Variants in CFAP299 observed in about 807,000 individuals in gnomAD.
The protein encoded by CFAP299 is cilia and flagella associated protein 299.
Under a neutral mutation model 27.0 loss-of-function variants are expected in CFAP299, and 21 were observed. That is an observed-to-expected ratio of 0.78 (90% CI 0.55 to 1.12). The LOEUF (loss-of-function observed/expected upper bound fraction) is 1.12, where lower values mean the gene tolerates loss of function less well. Ranked by LOEUF, CFAP299 falls within the 50% of genes most tolerant of loss-of-function variation. The pLI, the probability that CFAP299 is intolerant of heterozygous loss-of-function variation, is 0.00. For synonymous variants in CFAP299, 104 were observed against 98.1 expected (o/e 1.06, Z -0.36); for missense variants, 310 against 276.6 (o/e 1.12, Z -0.86).
At chr4:80,362,730 C>A in intron 1 of CFAP299, 24 bp from the exon 2 acceptor site, 2 of 1,583,276 alleles carry the variant, frequency 1.3e-6, no homozygotes, top group Non-Finnish European at 1.7e-6. Flanking sequence ...TGCCCACTCA[C>A]CTAACAACTG....
chr4:80,447,228 C>T (rs1251752317), intron 2 of CFAP299, among the ~76,000 whole-genome samples: 1 of 137,462 alleles, frequency 7.3e-6, no homozygotes, highest in Admixed American at 7.3e-5. Flanking sequence ...CTCCGCCTCC[C>T]GGGTTCACGC....
intron 1 of CFAP299, among the ~76,000 whole-genome samples, chr4:80,351,146 C>G (rs1237994948): frequency 6.6e-6 from 1 of 151,928 alleles, no homozygotes; most frequent in African/African-American, 2.4e-5. Context: ...TGAAGTTCTT[C>G]AGGTTGAAGG....
intron 2 of CFAP299, among the ~76,000 whole-genome samples, chr4:80,384,365 A>G (rs1724862127): frequency 1.3e-5 from 2 of 152,334 alleles, no homozygotes; most frequent in Admixed American, 1.3e-4. Flanking sequence ...TATATTATTC[A>G]TAAATATTTT....
chr4:80,370,092 T>C (rs1163306313), intron 2 of CFAP299, among the ~76,000 whole-genome samples: 1 of 152,110 alleles, frequency 6.6e-6, no homozygotes, highest in Non-Finnish European at 1.5e-5. Context: ...TCAGGAAACT[T>C]ACAATTATGG....
chr4:80,323,362 C>T, the CFAP299 span, among the ~76,000 whole-genome samples: 3 of 152,190 alleles, frequency 2.0e-5, no homozygotes, highest in Non-Finnish European at 4.4e-5. Flanking sequence ...TTGTAGAAAG[C>T]TGTAATGTAT....
At chr4:80,859,797 C>T (rs536797775) in intron 3 of CFAP299, among the ~76,000 whole-genome samples, 1 of 152,312 alleles carries the variant, frequency 6.6e-6, no homozygotes, top group Non-Finnish European at 1.5e-5. Flanking sequence ...GTCTGATCCA[C>T]TTCCCTTTGT....
intron 3 of CFAP299, among the ~76,000 whole-genome samples, chr4:80,705,379 A>G (rs773688338): frequency 6.6e-6 from 1 of 151,858 alleles, no homozygotes; most frequent in Non-Finnish European, 1.5e-5. Context: ...GAGAAAGATC[A>G]TGGATGTTGG....
rs138552111 is a variant in CFAP299 at position 80,683,229 on chromosome 4, C to G, written c.333+100046C>G. Among the ~76,000 whole-genome samples, 660 of 152,280 alleles carry G rather than the reference C, an allele frequency of 4.3e-3. 5 individuals carry two copies. The highest frequency in any genetic ancestry group is 6.8e-3 in the Middle Eastern group (2 of 294). ...TAAATAATTATTGATTTGCAAAGCT[C>G]TAAAACATCTCAGAAGGCATCCCCA... On this transcript the variant is annotated intron_variant, in intron 3 of 5. Transcript: ENST00000358105.
At chr4:80,613,148 T>A (rs1343338688) in intron 3 of CFAP299, among the ~76,000 whole-genome samples, 4 of 152,152 alleles carry the variant, frequency 2.6e-5, no homozygotes, top group African/African-American at 9.7e-5. Flanking sequence ...ATTTGAGATA[T>A]TAACTCAAGA....
intron 4 of CFAP299, among the ~76,000 whole-genome samples, chr4:80,930,488 G>A (rs907456517): frequency 4.6e-5 from 7 of 152,068 alleles, no homozygotes; most frequent in Non-Finnish European, 8.8e-5. Context: ...TGGGCGGAGC[G>A]GTCTTGAGGA....
chr4:80,791,408 T>C (rs780568062), intron 3 of CFAP299, among the ~76,000 whole-genome samples: 6 of 152,184 alleles, frequency 3.9e-5, no homozygotes, highest in Non-Finnish European at 7.4e-5. Flanking sequence ...TGAAGAGTTG[T>C]AGTGAAGATT....
intron 4 of CFAP299, among the ~76,000 whole-genome samples, chr4:80,916,290 TA>T (rs1560475556): frequency 5.6e-5 from 7 of 125,110 alleles, no homozygotes; most frequent in African/African-American, 1.8e-4. Flanking sequence ...TATATATATA[TA>T]TATATTTCAG....
chr4:80,864,921 T>C (rs1732634723), intron 3 of CFAP299, among the ~76,000 whole-genome samples: 1 of 152,166 alleles, frequency 6.6e-6, no homozygotes, highest in South Asian at 2.1e-4. Context: ...GGAAACTAAA[T>C]TTTAAAATGT....
chr4:80,489,964 A>G (rs925077337), intron 2 of CFAP299, among the ~76,000 whole-genome samples: 1 of 152,128 alleles, frequency 6.6e-6, no homozygotes, highest in East Asian at 1.9e-4. Flanking sequence ...TTTACTTGAC[A>G]GTTATAACTC....
chr4:80,631,859 G>GTCCCCC (rs34615962), intron 3 of CFAP299, among the ~76,000 whole-genome samples: 1 of 21,470 alleles, frequency 4.7e-5, no homozygotes, highest in Non-Finnish European at 9.2e-5. Flanking sequence ...GAATATTTGT[G>GTCCCCC]CCCCACCCCC....
intron 3 of CFAP299, among the ~76,000 whole-genome samples, chr4:80,866,096 T>TATATATA (rs1732729159): frequency 7.7e-6 from 1 of 130,420 alleles, no homozygotes; most frequent in Admixed American, 7.8e-5. Flanking sequence ...TATATATATA[T>TATATATA]CTTCCCAAAT....
In CFAP299 at chr4:80,400,216, T is replaced by C. The variant is rs113056419; in HGVS notation, c.242+37332T>C. On this transcript the variant is annotated intron_variant, in intron 2 of 5. Transcript: ENST00000358105. ...TATTTTGTATATGATATAATAGTAG[T>C]AGCATTTTAACTATCCTTTGCTGAT... Among the ~76,000 whole-genome samples the C allele has an allele frequency of 3.2e-3, 486 of 152,282 alleles. 1 individual carries two copies. Among genetic ancestry groups the C allele is most frequent in the South Asian group, 0.028 (134 of 4,820 alleles).
At chr4:80,740,041 G>A (rs1724164915) in intron 3 of CFAP299, among the ~76,000 whole-genome samples, 1 of 151,870 alleles carries the variant, frequency 6.6e-6, no homozygotes, top group Non-Finnish European at 1.5e-5. Flanking sequence ...TTATCTAATA[G>A]CATTCTGAAT....
chr4:80,445,956 T>C (rs1360556928), intron 2 of CFAP299, among the ~76,000 whole-genome samples: 1 of 152,178 alleles, frequency 6.6e-6, no homozygotes, highest in African/African-American at 2.4e-5. Context: ...CTTTAAAAAC[T>C]TTCAGGTCTT....
Sources: gnomAD v4.1 joint callset for allele counts (sites outside exome capture counted in the v4.1 genomes callset) on GRCh38, gnomAD v4.1.1 for gene constraint, MANE v1.5 for transcripts, NCBI Gene and HGNC (gene_info 2026-07-23, HGNC 2026-07-21) for gene names.